FABP12: variants seen among roughly 807,000 people sequenced by gnomAD.
FABP12 encodes the protein fatty acid binding protein 12.
In FABP12, 19 loss-of-function variants were observed where a neutral mutation model predicts 13.7. The observed-to-expected ratio is 1.39, with a 90% CI of 0.97 to 2.04. The LOEUF (loss-of-function observed/expected upper bound fraction) is 2.04. Among genes scored for constraint, FABP12 ranks in the 30% most tolerant of loss-of-function variants. The probability of loss-of-function intolerance (pLI) is 0.00; values close to 1 mark genes in which losing one functional copy is unlikely to be tolerated. For synonymous variants in FABP12, 61 were observed against 57.0 expected (o/e 1.07, Z -0.32); for missense variants, 182 against 164.2 (o/e 1.11, Z -0.59).
chr8:81,548,000 T>G (rs757314029), intron 1 of FABP12, among the ~76,000 whole-genome samples: 6 of 152,216 alleles, frequency 3.9e-5, no homozygotes, highest in East Asian at 3.8e-4. Context: ...TTTGACCTAC[T>G]ACACATCTGG....
chr8:81,582,166 A>T (rs887111730), intron 1 of FABP12, among the ~76,000 whole-genome samples: 1 of 114,750 alleles, frequency 8.7e-6, no homozygotes, highest in Non-Finnish European at 1.6e-5. Flanking sequence ...TCTGTCACCC[A>T]GGCTGGAGTA....
chr8:81,569,244 C>T (rs951562044), intron 1 of FABP12, among the ~76,000 whole-genome samples: 22 of 152,036 alleles, frequency 1.4e-4, no homozygotes, highest in African/African-American at 5.3e-4. Context: ...CTGATATATA[C>T]CCACATAAAA....
intron 1 of FABP12, among the ~76,000 whole-genome samples, chr8:81,565,135 A>G (rs942913304): frequency 2.0e-5 from 3 of 152,078 alleles, no homozygotes; most frequent in Non-Finnish European, 4.4e-5. Context: ...GCAAAAAGAT[A>G]TAACATTTTA....
chr8:81,581,034 A>T (rs1810148768), intron 1 of FABP12, among the ~76,000 whole-genome samples: 1 of 151,996 alleles, frequency 6.6e-6, no homozygotes, highest in South Asian at 2.1e-4. Flanking sequence ...TTTTGACTGC[A>T]TGGCCTAAAA....
At chr8:81,561,272 A>C (rs1809720176) in intron 1 of FABP12, among the ~76,000 whole-genome samples, 1 of 152,226 alleles carries the variant, frequency 6.6e-6, no homozygotes, top group Non-Finnish European at 1.5e-5. Context: ...CATAAATGGG[A>C]AAATAATCTA....
chr8:81,567,006 T>C (rs1427221393), intron 1 of FABP12, among the ~76,000 whole-genome samples: 1 of 152,142 alleles, frequency 6.6e-6, no homozygotes, highest in Non-Finnish European at 1.5e-5. Context: ...CATTTCTACA[T>C]GCCAACAGCA....
chr8:81,540,437 G>A (rs972183384), intron 1 of FABP12, among the ~76,000 whole-genome samples: 11 of 152,234 alleles, frequency 7.2e-5, no homozygotes, highest in African/African-American at 2.2e-4. Context: ...CTGCTAGGAT[G>A]CAATGAGAAG....
rs1003798602 is a variant in FABP12 at position 81,576,010 on chromosome 8, C to A, written c.-185+14043G>T. 5.9e-5 allele frequency among the ~76,000 whole-genome samples: 9 copies of A among 152,224 alleles called. No individual in the cohort carries two copies. In the East Asian group the frequency reaches 7.7e-4, roughly 13 times the overall value. On this transcript the variant is annotated intron_variant, in intron 1 of 5. Coordinates refer to the FABP12 transcript ENST00000692030. ...GCTGTTCTATATAGCTAATCAGAAG[C>A]CTTTATTTAAAAACAAAACATCTTA...
intron 1 of FABP12, among the ~76,000 whole-genome samples, chr8:81,571,487 C>T (rs1809931974): frequency 6.6e-6 from 1 of 152,216 alleles, no homozygotes; most frequent in Non-Finnish European, 1.5e-5. Context: ...CCTCTGCTGC[C>T]GCCGCCCACA....
At chr8:81,538,003 T>A (rs1253431333), upstream of FABP12, among the ~76,000 whole-genome samples, 1 of 152,184 alleles carries the variant, frequency 6.6e-6, no homozygotes, top group Non-Finnish European at 1.5e-5. Flanking sequence ...ACTGGAAGTA[T>A]GGTGCCAGCA....
chr8:81,535,902 T>A (rs1322997613), upstream of FABP12, among the ~76,000 whole-genome samples: 1 of 152,170 alleles, frequency 6.6e-6, no homozygotes, highest in Non-Finnish European at 1.5e-5. Flanking sequence ...CATCCATTCC[T>A]GCCTTCTTTT....
intron 1 of FABP12, among the ~76,000 whole-genome samples, chr8:81,565,769 A>G (rs1020087379): frequency 1.3e-5 from 2 of 152,012 alleles, no homozygotes; most frequent in Admixed American, 6.5e-5. Context: ...TTAAATAACT[A>G]GAAAATAAAG....
At chr8:81,537,078 A>C (rs975995397), upstream of FABP12, among the ~76,000 whole-genome samples, 5 of 152,168 alleles carry the variant, frequency 3.3e-5, no homozygotes, top group African/African-American at 1.2e-4. Context: ...TTCATTTAAG[A>C]TTTTTCATCA....
intron 1 of FABP12, among the ~76,000 whole-genome samples, chr8:81,584,762 C>T (rs1475036369): frequency 2.6e-5 from 4 of 152,164 alleles, no homozygotes; most frequent in Middle Eastern, 3.2e-3. Flanking sequence ...ACATTCCCAC[C>T]CACAGTGTAC....
chr8:81,579,438 CT>C (rs1285604797), intron 1 of FABP12, among the ~76,000 whole-genome samples: 3 of 152,132 alleles, frequency 2.0e-5, no homozygotes, highest in African/African-American at 7.2e-5. Context: ...TATGTAGGTG[CT>C]TTGGACTTTT....
intron 1 of FABP12, among the ~76,000 whole-genome samples, chr8:81,560,972 GA>G (rs1809713852): frequency 6.6e-6 from 1 of 152,202 alleles, no homozygotes; most frequent in African/African-American, 2.4e-5. Flanking sequence ...CGGGGCAAAG[GA>G]GGGAAGGTGA....
intron 1 of FABP12, among the ~76,000 whole-genome samples, chr8:81,586,071 A>G (rs1223565845): frequency 6.6e-6 from 1 of 152,164 alleles, no homozygotes; most frequent in Non-Finnish European, 1.5e-5. Flanking sequence ...TTTAGCTCAC[A>G]TTTATAAGTG....
intron 1 of FABP12, among the ~76,000 whole-genome samples, chr8:81,547,462 C>T (rs936563857): frequency 1.3e-5 from 2 of 152,162 alleles, no homozygotes; most frequent in African/African-American, 4.8e-5. Context: ...ATTACTATGC[C>T]TTCATTTTAA....
chr8:81,541,097 T>G (rs1809329759), intron 1 of FABP12, among the ~76,000 whole-genome samples: 3 of 144,570 alleles, frequency 2.1e-5, no homozygotes, highest in Non-Finnish European at 3.0e-5. Context: ...ACCCGGGAGG[T>G]GGAGGTTGCA....
Sources: allele counts gnomAD v4.1 joint callset (sites outside exome capture counted in the v4.1 genomes callset), GRCh38; gene constraint gnomAD v4.1.1; transcripts MANE v1.5; gene names NCBI Gene and HGNC (gene_info 2026-07-23, HGNC 2026-07-21).